The following CDKAL1 variants were observed in gnomAD, a reference collection of about 807,000 sequenced individuals.
CDKAL1 encodes CDKAL1 threonylcarbamoyladenosine tRNA methylthiotransferase, also known as threonylcarbamoyladenosine tRNA methylthiotransferase.
A neutral mutation model predicts 68.2 loss-of-function variants in CDKAL1; 32 were observed. That is an observed-to-expected ratio of 0.47 (90% CI 0.35 to 0.63). CDKAL1 has a LOEUF of 0.63. CDKAL1 is among the 30% of genes least tolerant of loss of function. CDKAL1 has a pLI of 0.00. For synonymous variants in CDKAL1, 234 were observed against 244.3 expected (o/e 0.96, Z 0.39); for missense variants, 606 against 696.7 (o/e 0.87, Z 1.47).
intron 5 of CDKAL1, among the ~76,000 whole-genome samples, chr6:20,689,134 C>G (rs1366966408): frequency 1.3e-5 from 2 of 152,168 alleles, no homozygotes; most frequent in African/African-American, 4.8e-5. Context: ...ACAGAGTACT[C>G]TGGTGAGTTT....
chr6:21,097,194 G>A (rs1315041648), intron 12 of CDKAL1, among the ~76,000 whole-genome samples: 2 of 152,166 alleles, frequency 1.3e-5, no homozygotes, highest in South Asian at 2.1e-4. Context: ...CTTCAGCCAG[G>A]TGTGGTGGTT....
chr6:20,758,882 C>T (rs1471400159), intron 7 of CDKAL1, among the ~76,000 whole-genome samples: 1 of 152,096 alleles, frequency 6.6e-6, no homozygotes, highest in African/African-American at 2.4e-5. Context: ...CTCCTGTAAC[C>T]CCAGCAGTTG....
intron 5 of CDKAL1, among the ~76,000 whole-genome samples, chr6:20,696,208 C>A (rs576942124): frequency 2.0e-5 from 3 of 152,312 alleles, no homozygotes; most frequent in Admixed American, 2.0e-4. Flanking sequence ...AATATGAGCC[C>A]TCATCCTTTT....
At chr6:21,111,420 A>C (rs1033426123) in intron 13 of CDKAL1, among the ~76,000 whole-genome samples, 1 of 152,224 alleles carries the variant, frequency 6.6e-6, no homozygotes, top group African/African-American at 2.4e-5. Flanking sequence ...TTGTAATTAC[A>C]AAGGGTAGTT....
At chr6:20,999,550 TTATGCATCTTAAG>T (rs1424138497) in intron 10 of CDKAL1, among the ~76,000 whole-genome samples, 2 of 151,858 alleles carry the variant, frequency 1.3e-5, no homozygotes, top group African/African-American at 4.8e-5. Flanking sequence ...TCTCTTCTTT[TTATGCATCTTAAG>T]TATGAAAGTT....
intron 11 of CDKAL1, among the ~76,000 whole-genome samples, chr6:21,038,813 A>C (rs1040277903): frequency 2.6e-5 from 4 of 152,182 alleles, no homozygotes; most frequent in Admixed American, 2.6e-4. Context: ...AATTTGAAAG[A>C]TGACCAGTGT....
At chr6:20,994,758 G>A (rs948791883) in intron 10 of CDKAL1, among the ~76,000 whole-genome samples, 7 of 152,136 alleles carry the variant, frequency 4.6e-5, no homozygotes, top group African/African-American at 1.4e-4. Flanking sequence ...TGTAAAAAAT[G>A]TACATACCTT....
rs1779969544 is a variant in CDKAL1 at position 21,231,381 on chromosome 6, C to G, written c.*342C>G. Reference sequence around the variant, plus strand: ...CTAATTGTACAGTGGCTCTGGCCATCTTTTCCTCATGTGGAAGAATTTTCT... The same window carrying G: ...CTAATTGTACAGTGGCTCTGGCCATGTTTTCCTCATGTGGAAGAATTTTCT... On this transcript the variant is annotated 3_prime_UTR_variant, in exon 16 of 16. Coordinates refer to ENST00000274695, the MANE Select transcript of CDKAL1 (RefSeq NM_017774.3). The G allele has an allele frequency of 5.4e-6, 1 of 184,676 alleles. No homozygotes were observed. The highest frequency in any genetic ancestry group is 2.3e-5 in the African/African-American group (1 of 42,814). The allele number at this position is 184,676 out of a possible 1,614,324, so 11.4% of individuals were successfully genotyped here. A position where few individuals can be genotyped will look rare whatever the true frequency, so the allele number is the denominator to read the frequency against.
intron 5 of CDKAL1, among the ~76,000 whole-genome samples, chr6:20,657,927 T>C (rs1418433701): frequency 6.6e-6 from 1 of 152,212 alleles, no homozygotes; most frequent in Non-Finnish European, 1.5e-5. Context: ...TACTAGTTCC[T>C]CTTGAGCATT....
At chr6:21,015,282 A>C (rs1768261381) in intron 11 of CDKAL1, among the ~76,000 whole-genome samples, 1 of 152,230 alleles carries the variant, frequency 6.6e-6, no homozygotes, top group East Asian at 1.9e-4. Flanking sequence ...TGATCAATGA[A>C]ATCAGTGTTT....
At chr6:20,811,927 T>C (rs1031591248) in intron 8 of CDKAL1, among the ~76,000 whole-genome samples, 2 of 152,168 alleles carry the variant, frequency 1.3e-5, no homozygotes, top group Non-Finnish European at 2.9e-5. Context: ...TTTACATCCC[T>C]TTACAAATAT....
In CDKAL1 at chr6:20,579,827, A is replaced by G. The variant is rs188582184; in HGVS notation, c.286+31122A>G. On this transcript the variant is annotated intron_variant, in intron 4 of 15. Transcript: ENST00000274695. ...GTAAAGATTGACAGTATCAAAACAG[A>G]TGTAGCAACTGGGACTTTGATAATT... Among the ~76,000 whole-genome samples the G allele has an allele frequency of 1.2e-3, 184 of 152,332 alleles. 1 individual carries two copies. The highest frequency in any genetic ancestry group is 4.3e-3 in the African/African-American group (178 of 41,570).
At position 21,086,546 on chromosome 6, in the gene CDKAL1, C is replaced by T. The variant is rs116166956; in HGVS notation, c.1236+21318C>T. 0.029 allele frequency among the ~76,000 whole-genome samples: 4,352 copies of T among 152,180 alleles called. 300 individuals carry two copies. The East Asian group carries it at 0.29, about 10-fold the overall frequency. ...TGGGTGAACTAGTGGGAGCCATAGG[C>T]GAACACCGAAGTCCTGGCTGTTAAA... On this transcript the variant is annotated intron_variant, in intron 12 of 15. Transcript: ENST00000274695.
At chr6:21,071,525 A>G (rs529189238) in intron 12 of CDKAL1, among the ~76,000 whole-genome samples, 2 of 152,150 alleles carry the variant, frequency 1.3e-5, no homozygotes, top group Non-Finnish European at 2.9e-5. Context: ...CATATTACTT[A>G]GTTATCTTAA....
chr6:20,748,554 G>GAAAAAAAAAAAA lies in CDKAL1; in HGVS notation c.468+8939_468+8940insAAAAAAAAAAAA, dbSNP rs1773762406. Among the ~76,000 whole-genome samples the GAAAAAAAAAAAA allele has an allele frequency of 5.2e-5, 4 of 77,090 alleles. 1 individual carries two copies. Among genetic ancestry groups the GAAAAAAAAAAAA allele is most frequent in the Non-Finnish European group, 7.6e-5 (3 of 39,546 alleles). The allele number at this position is 77,090 out of a possible 152,430, so 50.6% of individuals were successfully genotyped here. On this transcript the variant is annotated intron_variant, in intron 6 of 15. Transcript: ENST00000274695. ...GGAAAGAGAGCAAGACTCTGTTTCT[G>GAAAAAAAAAAAA]GAAAAAAAAAAAAAAAAAAAAAAAA...
intron 13 of CDKAL1, among the ~76,000 whole-genome samples, chr6:21,156,483 A>ACTAGTTAT: frequency 6.6e-6 from 1 of 151,846 alleles, no homozygotes; most frequent in East Asian, 1.9e-4. Flanking sequence ...CAGTGTTAAC[A>ACTAGTTAT]CTAGTTATCT....
At chr6:21,215,809 C>A (rs1389319229) in intron 15 of CDKAL1, among the ~76,000 whole-genome samples, 1 of 152,110 alleles carries the variant, frequency 6.6e-6, no homozygotes, top group Non-Finnish European at 1.5e-5. Flanking sequence ...CCCACTTCAC[C>A]CCCCAAAGGT....
intron 9 of CDKAL1, among the ~76,000 whole-genome samples, chr6:20,849,182 G>A (rs570362320): frequency 5.0e-4 from 76 of 152,258 alleles, no homozygotes; most frequent in African/African-American, 1.7e-3. Context: ...TGATGTGAAC[G>A]TAGTATCTCA....
chr6:20,599,047 A>G (rs1765966848), intron 4 of CDKAL1, among the ~76,000 whole-genome samples: 1 of 152,008 alleles, frequency 6.6e-6, no homozygotes, highest in African/African-American at 2.4e-5. Context: ...AAAGTGGGTC[A>G]TATCTTTACA....
Sources: allele counts gnomAD v4.1 joint callset (sites outside exome capture counted in the v4.1 genomes callset), GRCh38; gene constraint gnomAD v4.1.1; transcripts MANE v1.5; gene names NCBI Gene and HGNC (gene_info 2026-07-23, HGNC 2026-07-21).